DPF3: variants seen among roughly 807,000 people sequenced by gnomAD.
The protein encoded by DPF3 is double PHD fingers 3, also known as zinc finger protein DPF3.
A neutral mutation model predicts 56.8 loss-of-function variants in DPF3; 18 were observed. That is an observed-to-expected ratio of 0.32 (90% confidence interval 0.22 to 0.47). The LOEUF is 0.47. DPF3 is among the 20% of genes least tolerant of loss of function. The probability of loss-of-function intolerance (pLI) is 1.00; values close to 1 mark genes in which losing one functional copy is unlikely to be tolerated. For missense variants in DPF3, 403 were observed against 488.8 expected, an observed-to-expected ratio of 0.82 and a Z score of 1.65; for synonymous variants, 188 against 180.2, an observed-to-expected ratio of 1.04 and a Z score of -0.35.
At chr14:72,859,579 G>A (rs1049188722) in intron 1 of DPF3, among the ~76,000 whole-genome samples, 2 of 149,834 alleles carry the variant, frequency 1.3e-5, no homozygotes, top group African/African-American at 4.9e-5. Context: ...CCTGGCCCAG[G>A]GGACAGAGCG....
chr14:72,866,204 A>G (rs1035779742), intron 1 of DPF3, among the ~76,000 whole-genome samples: 2 of 152,062 alleles, frequency 1.3e-5, no homozygotes, highest in Non-Finnish European at 1.5e-5. Context: ...TACCAGGCAC[A>G]TTCCCACCAC....
chr14:72,756,928 A>AAGAAAGAAAGAAG (rs1428028523), intron 2 of DPF3, among the ~76,000 whole-genome samples: 100 of 139,162 alleles, frequency 7.2e-4, no homozygotes, highest in African/African-American at 2.8e-3. Context: ...GAAAGAAAGA[A>AAGAAAGAAAGAAG]AGAAGAGAAG....
intron 1 of DPF3, among the ~76,000 whole-genome samples, chr14:72,860,638 C>T (rs1042420489): frequency 7.6e-5 from 4 of 52,590 alleles, no homozygotes; most frequent in African/African-American, 6.8e-4. Context: ...AATCTTGGCT[C>T]ACCACAAACC....
intron 8 of DPF3, among the ~76,000 whole-genome samples, chr14:72,668,814 T>C (rs963286759): frequency 2.6e-5 from 4 of 152,224 alleles, no homozygotes; most frequent in African/African-American, 9.6e-5. Flanking sequence ...TCACATTTTA[T>C]CAATGAAAGC....
intron 7 of DPF3, among the ~76,000 whole-genome samples, chr14:72,685,677 G>T (rs1368949106): frequency 6.6e-6 from 1 of 152,192 alleles, no homozygotes; most frequent in African/African-American, 2.4e-5. Flanking sequence ...GCCTTGCAGG[G>T]TTATTGTGAG....
Position 72,657,736 on chromosome 14 carries a change from A to T in DPF3, c.871+16504T>A, listed in dbSNP as rs185950511. On this transcript the variant is annotated intron_variant, in intron 8 of 10. Transcript: ENST00000556509. ...ATCTGGCCAACTGCTTATTTTTGTAAATAAAGTTTTATTGGAACACAGCCA... is the reference window on the plus strand; with the variant it reads ...ATCTGGCCAACTGCTTATTTTTGTATATAAAGTTTTATTGGAACACAGCCA... 4.7e-4 allele frequency among the ~76,000 whole-genome samples: 71 copies of T among 152,276 alleles called. 1 individual carries two copies. In the East Asian group the frequency reaches 9.1e-3, roughly 19 times the overall value.
At chr14:72,890,504 A>G (rs866561092) in intron 1 of DPF3, among the ~76,000 whole-genome samples, 4 of 150,716 alleles carry the variant, frequency 2.7e-5, no homozygotes, top group Non-Finnish European at 4.4e-5. Context: ...AAATAATGAT[A>G]ATAATAATAA....
At chr14:72,830,642 G>A (rs1416781625) in intron 1 of DPF3, among the ~76,000 whole-genome samples, 2 of 152,118 alleles carry the variant, frequency 1.3e-5, no homozygotes, top group South Asian at 2.1e-4. Context: ...CATCGGGAAC[G>A]GAAGTATGAC....
intron 7 of DPF3, among the ~76,000 whole-genome samples, chr14:72,674,811 T>C (rs1886840825): frequency 6.6e-6 from 1 of 152,236 alleles, no homozygotes. Context: ...ACAGTGCTCT[T>C]GTTTAGGAGA....
At chr14:72,815,181 G>A (rs1055973220) in intron 1 of DPF3, among the ~76,000 whole-genome samples, 1 of 151,506 alleles carries the variant, frequency 6.6e-6, no homozygotes, top group Non-Finnish European at 1.5e-5. Context: ...GAACTGAACA[G>A]ACATTTCACA....
intron 1 of DPF3, among the ~76,000 whole-genome samples, chr14:72,848,232 C>T (rs762729991): frequency 1.9e-4 from 29 of 152,108 alleles, no homozygotes; most frequent in Non-Finnish European, 2.8e-4. Flanking sequence ...GGCGCGATCT[C>T]GGCTCACTGC....
intron 1 of DPF3, among the ~76,000 whole-genome samples, chr14:72,798,954 A>G (rs1052189258): frequency 4.0e-4 from 61 of 152,220 alleles, no homozygotes; most frequent in Non-Finnish European, 1.2e-4. Context: ...TGGAGTAAAC[A>G]TCAGGTGTCC....
chr14:72,679,695 C>T (rs183384074), intron 7 of DPF3, among the ~76,000 whole-genome samples: 170 of 152,244 alleles, frequency 1.1e-3, no homozygotes, highest in African/African-American at 3.6e-3. Context: ...CGGCAGCCTC[C>T]GCTCTTGCCA....
chr14:72,677,236 G>C (rs1213763802), intron 7 of DPF3, among the ~76,000 whole-genome samples: 1 of 152,192 alleles, frequency 6.6e-6, no homozygotes, highest in African/African-American at 2.4e-5. Context: ...ATCATGCACA[G>C]CTGTTTTATT....
intron 3 of DPF3, among the ~76,000 whole-genome samples, chr14:72,738,836 A>T (rs1228978741): frequency 6.6e-6 from 1 of 152,326 alleles, no homozygotes; most frequent in Admixed American, 6.5e-5. Flanking sequence ...TCATTTAGTC[A>T]TTTCACAATG....
chr14:72,828,435 G>A lies in DPF3; in HGVS notation c.33-56542C>T, dbSNP rs535526614. ...CACCTATAATCTCAACACTTTGGGAGGCCAAGGCAAGAGGATCGCTTGAGC... is the reference window on the plus strand; with the variant it reads ...CACCTATAATCTCAACACTTTGGGAAGCCAAGGCAAGAGGATCGCTTGAGC... On this transcript the variant is annotated intron_variant, in intron 1 of 10. Coordinates refer to ENST00000556509, the MANE Select transcript of DPF3 (RefSeq NM_001280542.3). Among the ~76,000 whole-genome samples, 5 of 150,772 alleles carry A rather than the reference G, an allele frequency of 3.3e-5. No homozygotes were observed. The East Asian group carries it at 9.8e-4, about 30-fold the overall frequency.
intron 1 of DPF3, among the ~76,000 whole-genome samples, chr14:72,805,456 G>C (rs1222909829): frequency 6.6e-6 from 1 of 150,818 alleles, no homozygotes; most frequent in Admixed American, 6.6e-5. Flanking sequence ...GGCAACAAGA[G>C]TGAAACTCTA....
At chr14:72,644,479 T>C (rs1047440660) in intron 8 of DPF3, among the ~76,000 whole-genome samples, 8 of 152,242 alleles carry the variant, frequency 5.3e-5, no homozygotes, top group Non-Finnish European at 7.3e-5. Context: ...GATTTTTACA[T>C]GGGCTTTCTT....
chr14:72,800,551 T>C (rs1892840102), intron 1 of DPF3, among the ~76,000 whole-genome samples: 1 of 151,590 alleles, frequency 6.6e-6, no homozygotes, highest in African/African-American at 2.4e-5. Context: ...CACAGATGGA[T>C]GTATGGATGC....
Sources: gnomAD v4.1 joint callset for allele counts (sites outside exome capture counted in the v4.1 genomes callset) on GRCh38, gnomAD v4.1.1 for gene constraint, MANE v1.5 for transcripts, NCBI Gene and HGNC (gene_info 2026-07-23, HGNC 2026-07-21) for gene names.